The following COL6A6 variants were observed in gnomAD, a reference collection of about 807,000 sequenced individuals.
COL6A6 encodes the protein collagen type VI alpha 6 chain.
In COL6A6, 183 loss-of-function variants were observed where a neutral mutation model predicts 208.6. The observed-to-expected ratio is 0.88, with a 90% CI of 0.78 to 0.99. COL6A6 has a LOEUF of 0.99. Among genes scored for constraint, COL6A6 ranks in the 50% least tolerant of loss-of-function variants. COL6A6 has a pLI of 0.00. For missense variants in COL6A6, 2,816 were observed against 2,815.2 expected, an observed-to-expected ratio of 1.00 and a Z score of -0.01; for synonymous variants, 973 against 1,011.8, an observed-to-expected ratio of 0.96 and a Z score of 0.73.
intron 7 of COL6A6, among the ~76,000 whole-genome samples, chr3:130,573,668 G>A (rs939871020): frequency 6.8e-6 from 1 of 147,382 alleles, no homozygotes; most frequent in Non-Finnish European, 1.5e-5. Context: ...CCGGGTTCAC[G>A]CCATTCTCCT....
intron 28 of COL6A6, among the ~76,000 whole-genome samples, chr3:130,641,274 TG>T (rs768600860): frequency 6.6e-6 from 1 of 151,276 alleles, no homozygotes; most frequent in Non-Finnish European, 1.5e-5. Flanking sequence ...AACCATGTGA[TG>T]GGATACTATG....
At chr3:130,613,289 GT>G (rs2064415651) in intron 23 of COL6A6, among the ~76,000 whole-genome samples, 1 of 152,136 alleles carries the variant, frequency 6.6e-6, no homozygotes, top group East Asian at 1.9e-4. Context: ...CTCATTGCTT[GT>G]TTTTGTTGGC....
intron 1 of COL6A6, among the ~76,000 whole-genome samples, chr3:130,539,303 G>C (rs1435375825): frequency 6.6e-6 from 1 of 152,256 alleles, no homozygotes; most frequent in Non-Finnish European, 1.5e-5. Flanking sequence ...GTCAGCCACA[G>C]AGATTATGGT....
At chr3:130,650,789 T>C (rs2065618780) in intron 33 of COL6A6, among the ~76,000 whole-genome samples, 1 of 152,100 alleles carries the variant, frequency 6.6e-6, no homozygotes, top group African/African-American at 2.4e-5. Context: ...TAGGAAACTT[T>C]AGGTTTTAAA....
chr3:130,532,356 G>A (rs745495962), intron 1 of COL6A6, among the ~76,000 whole-genome samples: 2 of 152,126 alleles, frequency 1.3e-5, no homozygotes, highest in Non-Finnish European at 2.9e-5. Flanking sequence ...CTCTGCCAAG[G>A]CATTAATGTG....
intron 1 of COL6A6, among the ~76,000 whole-genome samples, chr3:130,528,115 A>G (rs1186629249): frequency 6.6e-6 from 1 of 152,136 alleles, no homozygotes; most frequent in Non-Finnish European, 1.5e-5. Flanking sequence ...AGATGCTATG[A>G]CAGAAAAATC....
chr3:130,620,521 T>C (rs1477063592), intron 23 of COL6A6, among the ~76,000 whole-genome samples: 1 of 152,126 alleles, frequency 6.6e-6, no homozygotes, highest in African/African-American at 2.4e-5. Flanking sequence ...GTTAGCTCCA[T>C]GTAGTGGTGG....
intron 1 of COL6A6, among the ~76,000 whole-genome samples, chr3:130,519,034 T>C (rs946841333): frequency 6.6e-6 from 1 of 152,202 alleles, no homozygotes; most frequent in African/African-American, 2.4e-5. Flanking sequence ...GGAAATACTA[T>C]TGTTGAATAT....
chr3:130,663,632 T>C (rs1260673229), intron 35 of COL6A6, among the ~76,000 whole-genome samples: 1 of 152,204 alleles, frequency 6.6e-6, no homozygotes, highest in Non-Finnish European at 1.5e-5. Context: ...AGAAGTCTTA[T>C]GATGGAATTT....
At chr3:130,590,396 T>G (rs1372098103) in intron 12 of COL6A6, among the ~76,000 whole-genome samples, 1 of 141,086 alleles carries the variant, frequency 7.1e-6, no homozygotes, top group African/African-American at 2.6e-5. Context: ...TGTGCCATGT[T>G]GGTGTGCTGC....
At chr3:130,626,776 T>C (rs1329331166) in intron 25 of COL6A6, among the ~76,000 whole-genome samples, 1 of 152,158 alleles carries the variant, frequency 6.6e-6, no homozygotes, top group African/African-American at 2.4e-5. Flanking sequence ...TGAAGCCAAA[T>C]AGTAAAATGA....
chr3:130,644,347 C>T (rs1023430342), intron 31 of COL6A6, among the ~76,000 whole-genome samples: 1 of 152,142 alleles, frequency 6.6e-6, no homozygotes, highest in African/African-American at 2.4e-5. Flanking sequence ...CCACAAGACA[C>T]ATGTGGCTTT....
intron 20 of COL6A6, among the ~76,000 whole-genome samples, chr3:130,604,840 T>G (rs977242933): frequency 6.6e-6 from 1 of 152,252 alleles, no homozygotes; most frequent in Non-Finnish European, 1.5e-5. Flanking sequence ...TCTGTTCCAC[T>G]TCCGTTAAAC....
Position 130,518,516 on chromosome 3 carries a change from C to CT in COL6A6, c.-32+1127dup, listed in dbSNP as rs147242773. On this transcript the variant is annotated intron_variant, in intron 1 of 36. Coordinates refer to ENST00000358511, the MANE Select transcript of COL6A6 (RefSeq NM_001102608.3). ...AAAAGAGGTTGTCAATTAATTTCTC[C>CT]TTTTTTTTGAGACGGAGTTTCTCTC... Among the ~76,000 whole-genome samples, 16 of 152,002 alleles carry CT rather than the reference C, an allele frequency of 1.1e-4. No homozygotes were observed. The East Asian group carries it at 1.4e-3, about 13-fold the overall frequency.
intron 23 of COL6A6, among the ~76,000 whole-genome samples, chr3:130,621,328 T>C (rs1389403164): frequency 4.6e-5 from 7 of 152,222 alleles, no homozygotes; most frequent in African/African-American, 1.7e-4. Context: ...ATATTTATCT[T>C]ATGCTACCTA....
At position 130,591,057 on chromosome 3, in the gene COL6A6, A is replaced by G. The variant is rs1430918292; in HGVS notation, c.4235A>G (p.Lys1412Arg). 2 of 1,581,870 alleles carry G rather than the reference A, an allele frequency of 1.3e-6. No individual in the cohort carries two copies. The highest frequency in any genetic ancestry group is 1.7e-6 in the Non-Finnish European group (2 of 1,162,016). ...PPGKRGPPGF[K>R]GSEGYLGEEG... Reference sequence around the variant, plus strand: ...TATTTCCAGGGACCTCCAGGTTTTAAAGGCAGTGAAGGCTACCTGGGAGAG... The same window carrying G: ...TATTTCCAGGGACCTCCAGGTTTTAGAGGCAGTGAAGGCTACCTGGGAGAG... Residue 1412 changes from lysine to arginine, a missense_variant, in exon 13 of 37, where the codon AAA becomes AGA. Coordinates refer to ENST00000358511, the MANE Select transcript of COL6A6 (RefSeq NM_001102608.3).
chr3:130,592,212 T>G (rs1226844689), intron 13 of COL6A6, among the ~76,000 whole-genome samples: 1 of 152,112 alleles, frequency 6.6e-6, no homozygotes, highest in Non-Finnish European at 1.5e-5. Flanking sequence ...TAGGTAAGTC[T>G]TGCAGTCATA....
At chr3:130,545,078 G>A (rs1195039393) in intron 1 of COL6A6, among the ~76,000 whole-genome samples, 1 of 152,152 alleles carries the variant, frequency 6.6e-6, no homozygotes, top group Non-Finnish European at 1.5e-5. Flanking sequence ...AACTTTTGGT[G>A]TGATAACCAA....
At chr3:130,584,579 CGTTT>C (rs910567900) in intron 10 of COL6A6, among the ~76,000 whole-genome samples, 25 of 151,848 alleles carry the variant, frequency 1.6e-4, no homozygotes, top group African/African-American at 6.0e-4. Flanking sequence ...TTTGGTGGTT[CGTTT>C]GTTCTTTCTT....
Sources: gnomAD v4.1 joint callset for allele counts (sites outside exome capture counted in the v4.1 genomes callset) on GRCh38, gnomAD v4.1.1 for gene constraint, MANE v1.5 for transcripts, NCBI Gene and HGNC (gene_info 2026-07-23, HGNC 2026-07-21) for gene names.